MEIKIN: variants seen among roughly 807,000 people sequenced by gnomAD.
The protein encoded by MEIKIN is meiosis-specific kinetochore protein.
At chr5:131,817,602 C>T (rs12517540) in intron 12 of MEIKIN, among the ~76,000 whole-genome samples, 95,462 of 148,028 alleles carry the variant, frequency 0.64, 32,394 homozygotes, top group Non-Finnish European at 0.77. Context: ...GGTGACAGAG[C>T]GAGAATCTGT....
intron 8 of MEIKIN, among the ~76,000 whole-genome samples, chr5:131,909,215 C>CA (rs541588976): frequency 2.2e-4 from 34 of 152,212 alleles, no homozygotes; most frequent in Non-Finnish European, 4.1e-4. Flanking sequence ...GCATAAAAAA[C>CA]AGACACATAG....
In MEIKIN at chr5:131,839,700, C is replaced by T. The variant is rs567568112; in HGVS notation, c.975+11564G>A. 9.2e-5 allele frequency among the ~76,000 whole-genome samples: 14 copies of T among 152,220 alleles called. No individual in the cohort carries two copies. In the South Asian group the frequency reaches 2.5e-3, roughly 27 times the overall value. On this transcript the variant is annotated intron_variant, in intron 11 of 12. Coordinates refer to ENST00000442687, the MANE Select transcript of MEIKIN (RefSeq NM_001303622.2). ...GCTTTTTTCTGTTTTCCATTTGCTTCGTAGATTTTCCTCGATCCCTTTGTT... is the reference window on the plus strand; with the variant it reads ...GCTTTTTTCTGTTTTCCATTTGCTTTGTAGATTTTCCTCGATCCCTTTGTT...
intron 11 of MEIKIN, among the ~76,000 whole-genome samples, chr5:131,838,222 A>G (rs970855450): frequency 6.6e-6 from 1 of 152,142 alleles, no homozygotes; most frequent in Non-Finnish European, 1.5e-5. Flanking sequence ...GTGGTGAATT[A>G]GCTTTTTGAT....
chr5:131,846,560 G>T (rs1002707948), intron 11 of MEIKIN, among the ~76,000 whole-genome samples: 1 of 152,136 alleles, frequency 6.6e-6, no homozygotes, highest in African/African-American at 2.4e-5. Context: ...TATTGACTGG[G>T]CATGGTGGCT....
intron 5 of MEIKIN, among the ~76,000 whole-genome samples, chr5:131,926,689 T>C (rs1238731150): frequency 6.6e-6 from 1 of 152,170 alleles, no homozygotes; most frequent in Non-Finnish European, 1.5e-5. Context: ...AGGTTTTTGA[T>C]TGCTGGTTCA....
intron 5 of MEIKIN, among the ~76,000 whole-genome samples, chr5:131,931,169 C>T (rs1751683272): frequency 6.6e-6 from 1 of 152,170 alleles, no homozygotes; most frequent in South Asian, 2.1e-4. Flanking sequence ...TCCAAACCAC[C>T]GTCTTTGTTG....
chr5:131,843,895 T>C (rs962221120), intron 11 of MEIKIN, among the ~76,000 whole-genome samples: 1 of 152,202 alleles, frequency 6.6e-6, no homozygotes, highest in African/African-American at 2.4e-5. Flanking sequence ...TTTTCTGTAT[T>C]AGTCTGTTCT....
intron 8 of MEIKIN, among the ~76,000 whole-genome samples, chr5:131,879,890 A>G (rs1376030425): frequency 6.6e-6 from 1 of 152,134 alleles, no homozygotes; most frequent in Non-Finnish European, 1.5e-5. Flanking sequence ...AATTTTGCCT[A>G]TCATATGCAT....
At chr5:131,865,120 G>A (rs1750360588) in intron 9 of MEIKIN, among the ~76,000 whole-genome samples, 1 of 151,596 alleles carries the variant, frequency 6.6e-6, no homozygotes, top group South Asian at 2.1e-4. Context: ...TTTGTATCCT[G>A]AATTTTTTTT....
At chr5:131,891,266 T>A (rs1020907382) in intron 8 of MEIKIN, among the ~76,000 whole-genome samples, 17 of 152,224 alleles carry the variant, frequency 1.1e-4, no homozygotes, top group Admixed American at 1.1e-3. Flanking sequence ...AATTCCTGTA[T>A]GTCCTTGTTA....
chr5:131,816,561 A>G lies in MEIKIN; in HGVS notation c.1099+2179T>C, dbSNP rs79030563. ...CCAGCTATACTTCTACAGCTCCATA[A>G]CTGTATAAGTCAATTCCTTGTTTTA... On this transcript the variant is annotated intron_variant, in intron 12 of 12. Transcript: ENST00000442687. Among the ~76,000 whole-genome samples, 959 of 152,300 alleles carry G rather than the reference A, an allele frequency of 6.3e-3. 7 individuals carry two copies. Among genetic ancestry groups the G allele is most frequent in the African/African-American group, 0.022 (909 of 41,562 alleles).
rs143288085 is a variant in MEIKIN at position 131,903,031 on chromosome 5, T to C, written c.703+8784A>G. 2.1e-3 allele frequency among the ~76,000 whole-genome samples: 313 copies of C among 152,240 alleles called. 1 individual carries two copies. The highest frequency in any genetic ancestry group is 7.1e-3 in the African/African-American group (296 of 41,542). ...GCAATCGCAAGTATTAAGAGTAGAA[T>C]TGACCATGCTGAGGAAAGAATCTCA... On this transcript the variant is annotated intron_variant, in intron 8 of 12. Coordinates refer to ENST00000442687, the MANE Select transcript of MEIKIN (RefSeq NM_001303622.2).
chr5:131,838,698 A>G (rs1316888525), intron 11 of MEIKIN, among the ~76,000 whole-genome samples: 1 of 152,018 alleles, frequency 6.6e-6, no homozygotes, highest in Non-Finnish European at 1.5e-5. Context: ...CAGTGTTAAT[A>G]TCCCTTTTGT....
intron 8 of MEIKIN, among the ~76,000 whole-genome samples, chr5:131,888,888 T>C (rs1249866763): frequency 3.3e-5 from 5 of 152,214 alleles, no homozygotes; most frequent in African/African-American, 1.2e-4. Context: ...AATTTTTGTA[T>C]AAGGTGTAAG....
At chr5:131,908,304 CAT>C (rs1580901929) in intron 8 of MEIKIN, among the ~76,000 whole-genome samples, 1 of 152,082 alleles carries the variant, frequency 6.6e-6, no homozygotes, top group African/African-American at 2.4e-5. Context: ...TATGATACAT[CAT>C]ATCAACAGAA....
Position 131,856,369 on chromosome 5 carries a change from TC to T in MEIKIN, c.775-1536del, listed in dbSNP as rs536849661. On this transcript the variant is annotated intron_variant, in intron 9 of 12. Transcript: ENST00000442687. ...TTTCTTCAAACAAAGAACCAGCTGT[TC>T]CAGTGCAAGGAGTGTAGTTAGCTGA... is the stretch of plus-strand genomic sequence containing the variant. Among the ~76,000 whole-genome samples the T allele has an allele frequency of 4.8e-3, 727 of 152,246 alleles. 5 individuals are homozygous for T. The highest frequency in any genetic ancestry group is 0.017 in the African/African-American group (690 of 41,532).
chr5:131,940,573 G>A (rs1460406592), intron 4 of MEIKIN, among the ~76,000 whole-genome samples: 2 of 152,064 alleles, frequency 1.3e-5, no homozygotes, highest in African/African-American at 4.8e-5. Flanking sequence ...TCAAAAGTTT[G>A]GATATTCCTG....
chr5:131,846,251 T>C (rs1158799025), intron 11 of MEIKIN, among the ~76,000 whole-genome samples: 2 of 152,150 alleles, frequency 1.3e-5, no homozygotes, highest in Non-Finnish European at 2.9e-5. Flanking sequence ...TACCACTAGA[T>C]TTGCCCTGCA....
chr5:131,869,047 A>T (rs932806102), intron 9 of MEIKIN, among the ~76,000 whole-genome samples: 2 of 152,222 alleles, frequency 1.3e-5, no homozygotes, highest in African/African-American at 4.8e-5. Flanking sequence ...CTAAAAAGTC[A>T]TCACCATACT....
Sources: allele counts gnomAD v4.1 joint callset (sites outside exome capture counted in the v4.1 genomes callset), GRCh38; gene constraint gnomAD v4.1.1; transcripts MANE v1.5; gene names NCBI Gene and HGNC (gene_info 2026-07-23, HGNC 2026-07-21).